SBF2: variants seen among roughly 807,000 people sequenced by gnomAD.
SBF2 encodes myotubularin-related protein 13.
Under a neutral mutation model 225.2 loss-of-function variants are expected in SBF2, and 112 were observed. The observed-to-expected ratio is 0.50, with a 90% CI of 0.43 to 0.58. SBF2 has a LOEUF of 0.58. Among genes scored for constraint, SBF2 ranks in the 20% least tolerant of loss-of-function variants. The pLI, the probability that SBF2 is intolerant of heterozygous loss-of-function variation, is 0.00. For missense variants in SBF2, 1,996 were observed against 2,206.2 expected, an observed-to-expected ratio of 0.90 and a Z score of 1.91; for synonymous variants, 763 against 773.3, an observed-to-expected ratio of 0.99 and a Z score of 0.22.
chr11:10,094,649 C>T (rs1020075319), intron 2 of SBF2, among the ~76,000 whole-genome samples: 1 of 149,584 alleles, frequency 6.7e-6, no homozygotes, highest in Non-Finnish European at 1.5e-5. Context: ...ATTACAGGTG[C>T]CCGCCACGAC....
chr11:10,099,710 T>A (rs2134961494), intron 2 of SBF2, among the ~76,000 whole-genome samples: 1 of 151,882 alleles, frequency 6.6e-6, no homozygotes, highest in East Asian at 1.9e-4. Flanking sequence ...ACTGTTGGGG[T>A]GGGGGGAATA....
At chr11:9,878,151 T>C (rs564314264) in intron 17 of SBF2, among the ~76,000 whole-genome samples, 23 of 152,354 alleles carry the variant, frequency 1.5e-4, no homozygotes, top group East Asian at 3.9e-4. Context: ...TGACCAATGA[T>C]GATGAGCATT....
At chr11:9,888,504 C>A (rs552186204) in intron 17 of SBF2, among the ~76,000 whole-genome samples, 19 of 138,094 alleles carry the variant, frequency 1.4e-4, no homozygotes, top group African/African-American at 3.1e-4. Flanking sequence ...AAACCAGTCT[C>A]AAAAAAAAAA....
chr11:10,297,682 TCTG>T (rs1234802179), upstream of SBF2, among the ~76,000 whole-genome samples: 4 of 152,260 alleles, frequency 2.6e-5, no homozygotes, highest in Non-Finnish European at 4.4e-5. Context: ...CAAATGCTAT[TCTG>T]CTTTTAGGCA....
chr11:9,981,151 G>C (rs1018728455), intron 13 of SBF2, among the ~76,000 whole-genome samples: 1 of 152,156 alleles, frequency 6.6e-6, no homozygotes, highest in African/African-American at 2.4e-5. Flanking sequence ...GGTCCATCTA[G>C]TCAAATCACT....
intron 16 of SBF2, among the ~76,000 whole-genome samples, chr11:9,915,967 GAC>G (rs1389811043): frequency 1.3e-5 from 2 of 152,180 alleles, no homozygotes; most frequent in Non-Finnish European, 2.9e-5. Context: ...TGGAAGCTGA[GAC>G]AGGAGAATCG....
At chr11:10,020,489 T>A (rs991523390) in intron 6 of SBF2, among the ~76,000 whole-genome samples, 4 of 151,948 alleles carry the variant, frequency 2.6e-5, no homozygotes, top group African/African-American at 9.7e-5. Context: ...AACTGTGCAC[T>A]TGCTCTCTCA....
At chr11:9,963,467 A>C (rs1866711467) in intron 15 of SBF2, among the ~76,000 whole-genome samples, 1 of 152,224 alleles carries the variant, frequency 6.6e-6, no homozygotes, top group African/African-American at 2.4e-5. Flanking sequence ...TCTGGCTCCA[A>C]AAATAAAAAT....
intron 2 of SBF2, among the ~76,000 whole-genome samples, chr11:10,087,554 T>C (rs530628876): frequency 4.6e-5 from 7 of 152,272 alleles, no homozygotes; most frequent in South Asian, 2.1e-4. Flanking sequence ...GGCTAAAACA[T>C]TGTTTTTCTG....
intron 12 of SBF2, among the ~76,000 whole-genome samples, chr11:9,991,113 A>G (rs1947415078): frequency 1.3e-5 from 2 of 152,252 alleles, no homozygotes; most frequent in South Asian, 2.1e-4. Flanking sequence ...TTTTAATCCC[A>G]TAAAATATTA....
intron 3 of SBF2, among the ~76,000 whole-genome samples, chr11:10,040,377 A>G (rs889289986): frequency 2.0e-5 from 3 of 152,036 alleles, no homozygotes; most frequent in African/African-American, 7.2e-5. Context: ...GAAACTAACA[A>G]TGAGAGATAC....
In SBF2 at chr11:9,856,722, T is replaced by TA. The variant is rs1169277445; in HGVS notation, c.2101-3dup. The TA allele has an allele frequency of 1.4e-5, 22 of 1,611,492 alleles. No individual in the cohort carries two copies. The highest frequency in any genetic ancestry group is 1.9e-5 in the Non-Finnish European group (22 of 1,178,900). On this transcript the variant is annotated splice_polypyrimidine_tract_variant and splice_region_variant and intron_variant, in intron 18 of 39. Transcript: ENST00000256190. ...ATAATGGTCATCAGGAAGCTTATCC[T>TA]AAAAAATAAAGCAACACAATCCAAA...
intron 2 of SBF2, among the ~76,000 whole-genome samples, chr11:10,150,988 T>C (rs2135171214): frequency 6.6e-6 from 1 of 152,288 alleles, no homozygotes; most frequent in South Asian, 2.1e-4. Context: ...GAAATCATTA[T>C]AGAAACACCA....
At chr11:9,914,068 C>T (rs1283838469) in intron 16 of SBF2, among the ~76,000 whole-genome samples, 1 of 152,084 alleles carries the variant, frequency 6.6e-6, no homozygotes, top group African/African-American at 2.4e-5. Flanking sequence ...ATGAGGCATA[C>T]TAAAAGGCCA....
chr11:10,163,115 A>C (rs1452581653), intron 2 of SBF2, among the ~76,000 whole-genome samples: 3 of 152,200 alleles, frequency 2.0e-5, no homozygotes, highest in African/African-American at 4.8e-5. Flanking sequence ...GTAGGAGAAA[A>C]ATAAAAGCTG....
intron 37 of SBF2, 39 bp from the exon 38 acceptor site, chr11:9,784,477 C>T: frequency 6.8e-7 from 1 of 1,466,712 alleles, no homozygotes. Flanking sequence ...TTTTGATTTA[C>T]ACTTACAAAA....
intron 1 of SBF2, among the ~76,000 whole-genome samples, chr11:10,201,884 A>G (rs1957582390): frequency 6.6e-6 from 1 of 152,254 alleles, no homozygotes; most frequent in Non-Finnish European, 1.5e-5. Flanking sequence ...AAATAAAAAA[A>G]TGCATTTTTA....
At chr11:10,125,690 A>T (rs1460283485) in intron 2 of SBF2, among the ~76,000 whole-genome samples, 1 of 152,198 alleles carries the variant, frequency 6.6e-6, no homozygotes, top group Non-Finnish European at 1.5e-5. Flanking sequence ...AATACTATCA[A>T]CTAAGCTACA....
intron 6 of SBF2, among the ~76,000 whole-genome samples, chr11:10,017,496 G>C (rs1052562950): frequency 6.6e-6 from 1 of 152,152 alleles, no homozygotes; most frequent in Non-Finnish European, 1.5e-5. Flanking sequence ...GAATATAGCA[G>C]TGAATAAAGA....
Sources: allele counts gnomAD v4.1 joint callset (sites outside exome capture counted in the v4.1 genomes callset), GRCh38; gene constraint gnomAD v4.1.1; transcripts MANE v1.5; gene names NCBI Gene and HGNC (gene_info 2026-07-23, HGNC 2026-07-21).